Variants in MGAT4C observed in about 807,000 individuals in gnomAD.
The protein encoded by MGAT4C is MGAT4 family member C.
MGAT4C carries 19 observed loss-of-function variants against 40.1 expected under a neutral mutation model. The ratio of observed to expected loss-of-function variants is 0.47; its 90% confidence interval spans 0.33 to 0.70. MGAT4C has a LOEUF of 0.70. Among genes scored for constraint, MGAT4C ranks in the 30% least tolerant of loss-of-function variants. The probability of loss-of-function intolerance (pLI) is 0.02; values close to 1 mark genes in which losing one functional copy is unlikely to be tolerated. For missense variants in MGAT4C, 491 were observed against 563.2 expected, an observed-to-expected ratio of 0.87 and a Z score of 1.30; for synonymous variants, 181 against 187.1, an observed-to-expected ratio of 0.97 and a Z score of 0.27.
intron 1 of MGAT4C, among the ~76,000 whole-genome samples, chr12:86,073,817 A>G (rs1869094599): frequency 6.6e-6 from 1 of 152,214 alleles, no homozygotes. Flanking sequence ...GCCTTGTCTC[A>G]GATAAGACTA....
At chr12:86,728,522 C>T (rs1950859734) in intron 1 of MGAT4C, among the ~76,000 whole-genome samples, 1 of 152,160 alleles carries the variant, frequency 6.6e-6, no homozygotes, top group Non-Finnish European at 1.5e-5. Flanking sequence ...GAAACCTCGT[C>T]TCTACTGAAA....
intron 2 of MGAT4C, among the ~76,000 whole-genome samples, chr12:86,021,388 C>T (rs1306792575): frequency 6.6e-6 from 1 of 151,892 alleles, no homozygotes; most frequent in African/African-American, 2.4e-5. Flanking sequence ...CACATATACA[C>T]CATGGAATAC....
Position 85,959,618 on chromosome 12 carries a change from C to A in MGAT4C, c.*19671G>T, listed in dbSNP as rs1199608102. 6.6e-6 allele frequency: 1 copy of A among 151,830 alleles called. No individual in the cohort carries two copies. The highest frequency in any genetic ancestry group is 1.5e-5 in the Non-Finnish European group (1 of 67,930). The allele number at this position is 151,830 out of a possible 1,614,324, so 9.4% of individuals were successfully genotyped here. On this transcript the variant is annotated 3_prime_UTR_variant, in exon 5 of 5. Transcript: ENST00000611864. ...ATCACATCTTTAAATCTGACCCAGC[C>A]ACTTGAATAAATAAGTTGTGTTGTA...
intron 2 of MGAT4C, among the ~76,000 whole-genome samples, chr12:86,718,290 C>T (rs1261690641): frequency 8.5e-5 from 13 of 152,124 alleles, no homozygotes; most frequent in African/African-American, 3.1e-4. Flanking sequence ...GTGTTGGTTA[C>T]CTGTTGTGGT....
At chr12:86,169,015 A>T (rs893570713) in intron 1 of MGAT4C, among the ~76,000 whole-genome samples, 1 of 152,126 alleles carries the variant, frequency 6.6e-6, no homozygotes, top group Non-Finnish European at 1.5e-5. Context: ...GATTGTAAAA[A>T]AATGTGGGGG....
chr12:86,227,658 T>C (rs149933483), intron 1 of MGAT4C, among the ~76,000 whole-genome samples: 71 of 152,098 alleles, frequency 4.7e-4, no homozygotes, highest in African/African-American at 1.5e-3. Context: ...ATCATTAGTA[T>C]CTGTCATGAG....
intron 1 of MGAT4C, among the ~76,000 whole-genome samples, chr12:86,732,044 C>T (rs1246560800): frequency 1.3e-5 from 2 of 152,126 alleles, no homozygotes; most frequent in Non-Finnish European, 2.9e-5. Context: ...TTTCGATTTT[C>T]TATTTTCAGC....
intron 1 of MGAT4C, among the ~76,000 whole-genome samples, chr12:86,204,098 A>G (rs1372306751): frequency 1.3e-5 from 2 of 151,732 alleles, no homozygotes; most frequent in Non-Finnish European, 2.9e-5. Context: ...AAACTTCTTC[A>G]CAAAAATATA....
intron 4 of MGAT4C, among the ~76,000 whole-genome samples, chr12:86,283,648 G>A (rs1953276097): frequency 6.6e-6 from 1 of 152,192 alleles, no homozygotes; most frequent in South Asian, 2.1e-4. Context: ...GACCATGGGT[G>A]ATATACTGTT....
chr12:86,717,447 G>A (rs926158551), intron 2 of MGAT4C, among the ~76,000 whole-genome samples: 1 of 151,990 alleles, frequency 6.6e-6, no homozygotes, highest in African/African-American at 2.4e-5. Context: ...TTTCCTTTCT[G>A]AATTGTAGGT....
intron 1 of MGAT4C, among the ~76,000 whole-genome samples, chr12:86,067,612 C>T (rs897984609): frequency 1.2e-4 from 19 of 152,006 alleles, no homozygotes; most frequent in Middle Eastern, 3.4e-3. Flanking sequence ...ATGTAGATGA[C>T]GGGTTGATGG....
intron 3 of MGAT4C, among the ~76,000 whole-genome samples, chr12:86,383,718 G>T (rs1203966675): frequency 6.6e-6 from 1 of 152,070 alleles, no homozygotes; most frequent in Non-Finnish European, 1.5e-5. Context: ...TAACTAACTT[G>T]GTTTTGATTT....
At chr12:86,539,131 C>T (rs896110732) in intron 2 of MGAT4C, among the ~76,000 whole-genome samples, 52 of 151,892 alleles carry the variant, frequency 3.4e-4, no homozygotes, top group Non-Finnish European at 4.3e-4. Flanking sequence ...CCCATTAACT[C>T]ATCATTTACA....
intron 2 of MGAT4C, among the ~76,000 whole-genome samples, chr12:86,483,096 C>T (rs1224875151): frequency 6.6e-6 from 1 of 152,118 alleles, no homozygotes; most frequent in East Asian, 1.9e-4. Flanking sequence ...AGTTCAATAT[C>T]GAGGATGGTT....
chr12:86,821,287 T>C (rs1000291843), intron 1 of MGAT4C, among the ~76,000 whole-genome samples: 11 of 150,846 alleles, frequency 7.3e-5, no homozygotes, highest in African/African-American at 1.7e-4. Context: ...TAAATGTATA[T>C]AGGTTGCACT....
At chr12:86,546,638 T>C (rs1488913430) in intron 2 of MGAT4C, among the ~76,000 whole-genome samples, 2 of 152,112 alleles carry the variant, frequency 1.3e-5, no homozygotes, top group Non-Finnish European at 2.9e-5. Flanking sequence ...GTTTATAGAA[T>C]TAAATTTTAC....
At chr12:86,494,372 G>C (rs1958198215) in intron 2 of MGAT4C, among the ~76,000 whole-genome samples, 2 of 151,450 alleles carry the variant, frequency 1.3e-5, no homozygotes, top group Admixed American at 1.3e-4. Context: ...ACTTAGTATA[G>C]AAAAAATAAA....
chr12:86,378,867 G>C (rs1174775448), intron 3 of MGAT4C, among the ~76,000 whole-genome samples: 1 of 152,086 alleles, frequency 6.6e-6, no homozygotes, highest in Admixed American at 6.6e-5. Context: ...ATCCAGACTA[G>C]AGAAGTTTAC....
chr12:86,825,223 G>C (rs144818040), intron 1 of MGAT4C, among the ~76,000 whole-genome samples: 1 of 151,292 alleles, frequency 6.6e-6, no homozygotes, highest in East Asian at 2.0e-4. Flanking sequence ...GTGGAATACT[G>C]ACTTTTCTAA....
Sources: gnomAD v4.1 joint callset for allele counts (sites outside exome capture counted in the v4.1 genomes callset) on GRCh38, gnomAD v4.1.1 for gene constraint, MANE v1.5 for transcripts, NCBI Gene and HGNC (gene_info 2026-07-23, HGNC 2026-07-21) for gene names.